Variants in CATSPERD observed in about 807,000 individuals in gnomAD.
CATSPERD encodes catsper channel auxiliary subunit delta.
CATSPERD carries 86 observed loss-of-function variants against 98.1 expected under a neutral mutation model. The observed-to-expected ratio is 0.88, with a 90% CI of 0.74 to 1.05. The LOEUF (loss-of-function observed/expected upper bound fraction) is 1.05, where lower values mean the gene tolerates loss of function less well. CATSPERD is among the 50% of genes least tolerant of loss of function. The pLI is 0.00. For missense variants in CATSPERD, 995 were observed against 1,005.7 expected, an observed-to-expected ratio of 0.99 and a Z score of 0.14; for synonymous variants, 394 against 390.2, an observed-to-expected ratio of 1.01 and a Z score of -0.12.
rs777770581 is a variant in CATSPERD at position 5,778,392 on chromosome 19, A to G, written c.2113A>G (p.Thr705Ala). 11 of 1,608,184 alleles carry G rather than the reference A, an allele frequency of 6.8e-6. No homozygotes were observed. In the African/African-American group the frequency reaches 1.3e-4, roughly 20 times the overall value. Residue 705 changes from threonine to alanine, a missense_variant, in exon 22 of 22, where the codon ACC (threonine) becomes GCC (alanine). Thr to Ala is a moderately conservative substitution (Grantham distance 58). This residue lies in a region of CATSPERD where 762 missense variants were observed against 773.7 expected (regional missense o/e 0.98). Transcript: ENST00000381624. ...CCACCGCAGCTACTGTCAACTGGAGACCATCTTTAGCATCTACGTGTATGG... is the reference window on the plus strand; with the variant it reads ...CCACCGCAGCTACTGTCAACTGGAGGCCATCTTTAGCATCTACGTGTATGG... ...DPYYSYCQLE[T>A]IFSIYVYGAF...
chr19:5,749,512 C>T (rs1204245967), intron 11 of CATSPERD, among the ~76,000 whole-genome samples: 1 of 152,142 alleles, frequency 6.6e-6, no homozygotes, highest in African/African-American at 2.4e-5. Context: ...TGTTCACAAA[C>T]TTCTGAACCT....
In CATSPERD at chr19:5,776,268, C is replaced by T. The variant is rs776516179; in HGVS notation, c.2049C>T (p.His683=). ...GRTANQIIFG[H]NGFYVFYISI... Reference sequence around the variant, plus strand: ...CAGCAAACCAGATCATTTTCGGCCACAATGGCTTTTATGTCTTCTACATTT... The same window carrying T: ...CAGCAAACCAGATCATTTTCGGCCATAATGGCTTTTATGTCTTCTACATTT... Residue 683 remains histidine, a synonymous_variant, in exon 21 of 22, where the codon CAC becomes CAT. Transcript: ENST00000381624. 2 of 1,614,206 alleles carry T rather than the reference C, an allele frequency of 1.2e-6. No homozygotes were observed. Among genetic ancestry groups the T allele is most frequent in the Non-Finnish European group, 1.7e-6 (2 of 1,180,044 alleles).
intron 21 of CATSPERD, 74 bp from the exon 22 acceptor site, chr19:5,778,302 A>C (rs1487421267): frequency 2.2e-5 from 30 of 1,382,402 alleles, no homozygotes. Flanking sequence ...GGGTCTGAAC[A>C]CCTTTGCCAG....
At chr19:5,761,913 T>G (rs138499163) in intron 15 of CATSPERD, among the ~76,000 whole-genome samples, 2,579 of 150,166 alleles carry the variant, frequency 0.017, 64 homozygotes, top group African/African-American at 0.06. Flanking sequence ...TGTTGTTGTA[T>G]TTTTAGTAGA....
chr19:5,761,260 C>A lies in CATSPERD; in HGVS notation c.1428-1955C>A, dbSNP rs547375725. Among the ~76,000 whole-genome samples the A allele has an allele frequency of 5.3e-5, 8 of 152,202 alleles. No homozygotes were observed. The East Asian group carries it at 1.4e-3, about 26-fold the overall frequency. Reference sequence around the variant, plus strand: ...GGGATTATAGGCATGTGCCACCACGCCCAGCTAATTTCTGTATTTTTACTA... The same window carrying A: ...GGGATTATAGGCATGTGCCACCACGACCAGCTAATTTCTGTATTTTTACTA... On this transcript the variant is annotated intron_variant, in intron 15 of 21. Transcript: ENST00000381624.
chr19:5,758,923 CAAAAAA>C (rs1002375684), intron 14 of CATSPERD, among the ~76,000 whole-genome samples, 157 bp from the exon 15 acceptor site: 20 of 39,496 alleles, frequency 5.1e-4, no homozygotes, highest in Admixed American at 1.1e-3. Flanking sequence ...GACTCCATCT[CAAAAAA>C]AAAAAAAAAA....
intron 20 of CATSPERD, 24 bp from the exon 21 acceptor site, chr19:5,776,129 AGGGCCAGT>A (rs764740165): frequency 6.2e-7 from 1 of 1,608,952 alleles, no homozygotes; most frequent in East Asian, 2.2e-5. Flanking sequence ...CCCAGTCCCT[AGGGCCAGT>A]GGGCATGTCT....
intron 17 of CATSPERD, among the ~76,000 whole-genome samples, chr19:5,766,866 T>A (rs914490451): frequency 7.9e-5 from 12 of 151,688 alleles, no homozygotes; most frequent in Non-Finnish European, 1.8e-4. Context: ...CTAATTTTTG[T>A]ATTTTTAGTA....
At chr19:5,763,838 C>A (rs980366868) in intron 16 of CATSPERD, among the ~76,000 whole-genome samples, 6 of 61,958 alleles carry the variant, frequency 9.7e-5, no homozygotes, top group African/African-American at 3.0e-4. Context: ...CCAGGCTGGT[C>A]TTGAACTCCT....
At chr19:5,776,051 G>A in intron 20 of CATSPERD, 110 bp from the exon 21 acceptor site, 1 of 1,186,684 alleles carries the variant, frequency 8.4e-7, no homozygotes, top group South Asian at 1.5e-5. Context: ...TCCCACCCAT[G>A]CGTGCCTAAT....
intron 10 of CATSPERD, among the ~76,000 whole-genome samples, chr19:5,748,513 C>T (rs990838048): frequency 3.3e-5 from 5 of 151,302 alleles, no homozygotes; most frequent in Non-Finnish European, 7.4e-5. Context: ...CGACTATAAT[C>T]CCAGCTACTC....
chr19:5,751,890 T>C (rs959334739), intron 12 of CATSPERD, 67 bp downstream of exon 12: 1 of 1,467,456 alleles, frequency 6.8e-7, no homozygotes, highest in Non-Finnish European at 9.2e-7. Flanking sequence ...AACCTGGGCA[T>C]GGTGGTGCAC....
chr19:5,728,356 C>CAA lies in CATSPERD; in HGVS notation c.203+1029_203+1030dup, dbSNP rs564166119. On this transcript the variant is annotated intron_variant, in intron 3 of 21. Transcript: ENST00000381624. ...CTGGCGACAGAGCGAGACTCTGTCT[C>CAA]AAAAAAAAAAAAAAAAAAGAAAAAG... Among the ~76,000 whole-genome samples the CAA allele has an allele frequency of 5.4e-4, 44 of 80,904 alleles. No individual in the cohort carries two copies. In the East Asian group the frequency reaches 0.01, roughly 19 times the overall value. The allele number at this position is 80,904 out of a possible 152,430, so 53.1% of individuals were successfully genotyped here. A position where few individuals can be genotyped will look rare whatever the true frequency, so the allele number is the denominator to read the frequency against.
chr19:5,724,922 A>G (rs1599502697), intron 2 of CATSPERD, 60 bp downstream of exon 2: 1 of 1,504,874 alleles, frequency 6.6e-7, no homozygotes, highest in East Asian at 2.3e-5. Context: ...GATCAGAGGT[A>G]ACACTTCCTG....
At chr19:5,742,789 A>C (rs902247408) in intron 7 of CATSPERD, among the ~76,000 whole-genome samples, 4 of 151,910 alleles carry the variant, frequency 2.6e-5, no homozygotes, top group Non-Finnish European at 5.9e-5. Context: ...ATCCTGTTGC[A>C]AAAAAAGAAA....
rs796389257 is a variant in CATSPERD, at chr19:5,756,807, T to C, written c.1279-1036T>C. Among the ~76,000 whole-genome samples, 6 of 151,968 alleles carry C rather than the reference T, an allele frequency of 3.9e-5. 1 individual carries two copies. The highest frequency in any genetic ancestry group is 1.4e-4 in the African/African-American group (6 of 41,472). On this transcript the variant is annotated intron_variant, in intron 13 of 21. Coordinates refer to ENST00000381624, the MANE Select transcript of CATSPERD (RefSeq NM_152784.4). ...TAAAAACACAAAAATTAGCTGGGTGTGGTAGCGTGCTTGGAATCCCAGCTA... is the reference window on the plus strand; with the variant it reads ...TAAAAACACAAAAATTAGCTGGGTGCGGTAGCGTGCTTGGAATCCCAGCTA...
intron 15 of CATSPERD, 39 bp downstream of exon 15, chr19:5,759,183 T>A: frequency 6.3e-7 from 1 of 1,587,518 alleles, no homozygotes; most frequent in South Asian, 1.1e-5. Context: ...CTGGGCTGCC[T>A]ACAGGGGTTT....
rs552119121 is a variant in CATSPERD, at chr19:5,768,438, A to G, written c.1634+196A>G. 5.1e-3 allele frequency among the ~76,000 whole-genome samples: 765 copies of G among 150,576 alleles called. 3 individuals carry two copies. Among genetic ancestry groups the G allele is most frequent in the Non-Finnish European group, 7.9e-3 (536 of 67,582 alleles). On this transcript the variant is annotated intron_variant, in intron 18 of 21. Transcript: ENST00000381624. ...TGCAAGCTCCACCTCCCGGGTTCAC[A>G]CCATTCTCCCGCCTCAGCCTCCTGA...
At chr19:5,738,366 AAAAAG>A (rs1413864928) in intron 6 of CATSPERD, among the ~76,000 whole-genome samples, 1 of 151,566 alleles carries the variant, frequency 6.6e-6, no homozygotes, top group Non-Finnish European at 1.5e-5. Flanking sequence ...AAAAAAAAAA[AAAAAG>A]AAAAGAAAAA....
Sources: allele counts gnomAD v4.1 joint callset (sites outside exome capture counted in the v4.1 genomes callset), GRCh38; gene constraint gnomAD v4.1.1; regional missense constraint gnomAD v4.1.1; transcripts MANE v1.5; gene names NCBI Gene and HGNC (gene_info 2026-07-23, HGNC 2026-07-21).